SNTB1: variants seen among roughly 807,000 people sequenced by gnomAD.
SNTB1 encodes syntrophin beta 1, also known as beta-1-syntrophin.
A neutral mutation model predicts 48.9 loss-of-function variants in SNTB1; 36 were observed. That is an observed-to-expected ratio of 0.74 (90% confidence interval 0.56 to 0.97). The LOEUF is 0.97. Ranked by LOEUF, SNTB1 falls within the 50% of genes least tolerant of loss-of-function variation. The probability of loss-of-function intolerance (pLI) is 0.00; values close to 1 mark genes in which losing one functional copy is unlikely to be tolerated. For synonymous variants in SNTB1, 299 were observed against 294.6 expected (o/e 1.01, Z -0.15); for missense variants, 786 against 703.4 (o/e 1.12, Z -1.33).
At chr8:120,783,970 T>G (rs762179082) in intron 1 of SNTB1, among the ~76,000 whole-genome samples, 1 of 152,144 alleles carries the variant, frequency 6.6e-6, no homozygotes, top group Non-Finnish European at 1.5e-5. Flanking sequence ...GTAGGTTACA[T>G]GCAAATACTC....
chr8:120,764,917 T>C (rs1028492459), intron 1 of SNTB1, among the ~76,000 whole-genome samples: 1 of 152,146 alleles, frequency 6.6e-6, no homozygotes, highest in African/African-American at 2.4e-5. Flanking sequence ...GTGGCTATTT[T>C]ATATTCCAGT....
rs146739397 is a variant in SNTB1, at chr8:120,625,119, G to A, written c.996+7325C>T. Among the ~76,000 whole-genome samples, 1,090 of 152,198 alleles carry A rather than the reference G, an allele frequency of 7.2e-3. 20 individuals are homozygous for A. The highest frequency in any genetic ancestry group is 0.025 in the African/African-American group (1,032 of 41,532). ...TCTGAAATAACTAATCCATTCCTGC[G>A]ATAATGGCGTTAATCCATTCATGAA... is the stretch of plus-strand genomic sequence containing the variant. On this transcript the variant is annotated intron_variant, in intron 3 of 6. Coordinates refer to ENST00000517992, the MANE Select transcript of SNTB1 (RefSeq NM_021021.4).
chr8:120,542,602 C>T (rs994307582), intron 5 of SNTB1, among the ~76,000 whole-genome samples: 19 of 152,116 alleles, frequency 1.2e-4, no homozygotes, highest in South Asian at 4.2e-4. Context: ...TGCAGTGAGT[C>T]GAGATTGCTC....
At chr8:120,572,740 G>A (rs376466455) in intron 4 of SNTB1, among the ~76,000 whole-genome samples, 1 of 108,328 alleles carries the variant, frequency 9.2e-6, no homozygotes, top group Admixed American at 9.3e-5. Flanking sequence ...AAAACAAAAC[G>A]AACAAAACAA....
At chr8:120,714,561 C>G (rs776487359) in intron 1 of SNTB1, among the ~76,000 whole-genome samples, 9 of 151,752 alleles carry the variant, frequency 5.9e-5, no homozygotes, top group Non-Finnish European at 1.2e-4. Flanking sequence ...GCACCATTCC[C>G]AAAGATTATT....
intron 3 of SNTB1, among the ~76,000 whole-genome samples, chr8:120,619,154 GA>G (rs1169186402): frequency 6.6e-6 from 1 of 152,004 alleles, no homozygotes. Context: ...TGCTTTTATT[GA>G]AAGATCATTT....
intron 2 of SNTB1, among the ~76,000 whole-genome samples, chr8:120,652,783 G>A (rs4570204): frequency 0.37 from 56,176 of 151,620 alleles, 12,136 homozygotes; most frequent in Non-Finnish European, 0.48. Context: ...GATGTTAGTA[G>A]TTGTCACTTA....
intron 3 of SNTB1, among the ~76,000 whole-genome samples, chr8:120,602,871 C>G (rs1816444543): frequency 6.6e-6 from 1 of 151,436 alleles, no homozygotes; most frequent in African/African-American, 2.4e-5. Flanking sequence ...TGTAACAAAG[C>G]TGTTTCAAAG....
intron 2 of SNTB1, among the ~76,000 whole-genome samples, chr8:120,682,335 A>T (rs1392275776): frequency 1.3e-5 from 2 of 152,334 alleles, no homozygotes; most frequent in African/African-American, 4.8e-5. Flanking sequence ...AAATAATTTT[A>T]AAAAGGGACT....
chr8:120,716,138 G>C (rs1230161927), intron 1 of SNTB1, among the ~76,000 whole-genome samples: 1 of 152,184 alleles, frequency 6.6e-6, no homozygotes, highest in African/African-American at 2.4e-5. Context: ...TGAGCCCATA[G>C]TTGGTAGTCA....
intron 3 of SNTB1, among the ~76,000 whole-genome samples, chr8:120,614,586 G>A (rs556917172): frequency 3.9e-5 from 6 of 152,272 alleles, no homozygotes; most frequent in African/African-American, 1.4e-4. Flanking sequence ...TGTGCCTGTG[G>A]TCAATGCCAC....
intron 1 of SNTB1, among the ~76,000 whole-genome samples, chr8:120,740,902 G>T (rs1441153012): frequency 1.3e-5 from 2 of 152,160 alleles, no homozygotes; most frequent in African/African-American, 4.8e-5. Context: ...ACTAGGAAGT[G>T]GTTACAATGA....
chr8:120,737,210 T>G (rs550149217), intron 1 of SNTB1, among the ~76,000 whole-genome samples: 24 of 152,198 alleles, frequency 1.6e-4, no homozygotes, highest in Non-Finnish European at 3.2e-4. Flanking sequence ...TGTTGTCCCA[T>G]TTAATCCTCT....
intron 3 of SNTB1, among the ~76,000 whole-genome samples, chr8:120,585,932 C>T (rs1184398618): frequency 2.0e-5 from 3 of 152,230 alleles, no homozygotes; most frequent in African/African-American, 7.2e-5. Flanking sequence ...GCATTTGCAA[C>T]TCCCAAACTT....
intron 3 of SNTB1, among the ~76,000 whole-genome samples, chr8:120,600,045 G>A (rs1050622849): frequency 4.9e-4 from 74 of 152,176 alleles, no homozygotes; most frequent in African/African-American, 1.6e-3. Context: ...AATTTTAGTT[G>A]GAATATTTCA....
At chr8:120,604,081 C>A (rs1413687047) in intron 3 of SNTB1, among the ~76,000 whole-genome samples, 15 of 152,134 alleles carry the variant, frequency 9.9e-5, no homozygotes, top group Admixed American at 9.2e-4. Context: ...GGAAAAATGA[C>A]TGATATGGGC....
intron 1 of SNTB1, among the ~76,000 whole-genome samples, chr8:120,705,341 A>G (rs966727388): frequency 6.6e-6 from 1 of 152,256 alleles, no homozygotes; most frequent in Admixed American, 6.5e-5. Context: ...AATCTACAAG[A>G]AACGGGATAG....
At chr8:120,750,666 G>C (rs1318276887) in intron 1 of SNTB1, among the ~76,000 whole-genome samples, 1 of 151,714 alleles carries the variant, frequency 6.6e-6, no homozygotes, top group Non-Finnish European at 1.5e-5. Context: ...GGTGTATCTG[G>C]CCTTCTGTTT....
At chr8:120,663,342 G>C (rs747056141) in intron 2 of SNTB1, among the ~76,000 whole-genome samples, 13 of 152,316 alleles carry the variant, frequency 8.5e-5, no homozygotes, top group Non-Finnish European at 1.3e-4. Flanking sequence ...CCCAAGAAGA[G>C]CAGCAGCCTG....
Sources: gnomAD v4.1 joint callset for allele counts (sites outside exome capture counted in the v4.1 genomes callset) on GRCh38, gnomAD v4.1.1 for gene constraint, MANE v1.5 for transcripts, NCBI Gene and HGNC (gene_info 2026-07-23, HGNC 2026-07-21) for gene names.